USP2: variants seen among roughly 807,000 people sequenced by gnomAD.
USP2 encodes ubiquitin carboxyl-terminal hydrolase 2.
USP2 carries 33 observed loss-of-function variants against 72.0 expected under a neutral mutation model. That is an observed-to-expected ratio of 0.46 (90% CI 0.35 to 0.61). The LOEUF is 0.61. USP2 is among the 20% of genes least tolerant of loss of function. The pLI is 0.01. For missense variants in USP2, 691 were observed against 797.8 expected (o/e 0.87, Z 1.61); for synonymous variants, 296 against 312.5 (o/e 0.95, Z 0.56).
At chr11:119,359,437 G>C in intron 4 of USP2, 95 bp from the exon 5 acceptor site, 1 of 1,589,500 alleles carries the variant, frequency 6.3e-7, no homozygotes, top group Non-Finnish European at 8.6e-7. Context: ...GAGAAAGACA[G>C]ACAGGATAGG....
Position 119,357,528 on chromosome 11 carries a change from G to A in USP2, c.1564C>T (p.Pro522Ser), listed in dbSNP as rs755059569. The part of the protein sequence containing the change: ...TSKLTTFVNF[P>S]LRDLDLREFA... ...TCTCTTAAGTCCAGGTCTCTTAGGGGGAAGTTCACAAATGTTGTGAGCTTG... is the reference window on the plus strand; with the variant it reads ...TCTCTTAAGTCCAGGTCTCTTAGGGAGAAGTTCACAAATGTTGTGAGCTTG... The change falls in exon 11 of 13, where the codon CCC (proline) becomes TCC (serine). Residue 522 changes from proline to serine, a missense_variant. Pro to Ser is a moderately conservative substitution (Grantham distance 74, BLOSUM62 -1). Coordinates refer to ENST00000260187, the MANE Select transcript of USP2 (RefSeq NM_004205.5). 5.6e-6 allele frequency: 9 copies of A among 1,614,040 alleles called. No homozygotes were observed. Among genetic ancestry groups the A allele is most frequent in the Non-Finnish European group, 6.8e-6 (8 of 1,180,034 alleles).
intron 2 of USP2, among the ~76,000 whole-genome samples, chr11:119,365,364 C>T (rs1379230752): frequency 1.3e-5 from 2 of 152,008 alleles, no homozygotes; most frequent in African/African-American, 4.8e-5. Context: ...GGGACAGTTG[C>T]CCCCTCCCCT....
At chr11:119,360,102 C>T in intron 3 of USP2, 82 bp downstream of exon 3, 1 of 1,541,826 alleles carries the variant, frequency 6.5e-7, no homozygotes, top group African/African-American at 1.4e-5. Flanking sequence ...CAGCCACAAC[C>T]AGAAGGGGAC....
At chr11:119,370,361 A>T (rs1950910895) in intron 2 of USP2, among the ~76,000 whole-genome samples, 1 of 152,186 alleles carries the variant, frequency 6.6e-6, no homozygotes, top group Non-Finnish European at 1.5e-5. Context: ...TTCCTCAAGT[A>T]ATCTGTGAAG....
chr11:119,363,808 C>T, intron 2 of USP2: 1 of 1,373,474 alleles, frequency 7.3e-7, no homozygotes, highest in Non-Finnish European at 9.4e-7. Flanking sequence ...GGCGGGACCC[C>T]AGGCCCTCGG....
intron 2 of USP2, among the ~76,000 whole-genome samples, chr11:119,364,694 C>T (rs2195525): frequency 0.53 from 80,664 of 152,018 alleles, 22,007 homozygotes; most frequent in East Asian, 0.81. Context: ...AAGACCCAAA[C>T]TCATGCAGTC....
chr11:119,372,271 A>C (rs1401777335), intron 2 of USP2, among the ~76,000 whole-genome samples: 4 of 152,184 alleles, frequency 2.6e-5, no homozygotes. Context: ...GGGGCTAGGG[A>C]ATAAAGCCTG....
At chr11:119,374,106 G>A (rs1247489139) in intron 1 of USP2, among the ~76,000 whole-genome samples, 2 of 152,172 alleles carry the variant, frequency 1.3e-5, no homozygotes, top group African/African-American at 4.8e-5. Flanking sequence ...AGGGGAGGCC[G>A]TGAGTGAGCA....
At chr11:119,357,049 T>A in intron 12 of USP2, 127 bp from the exon 13 acceptor site, 17 of 1,203,668 alleles carry the variant, frequency 1.4e-5, no homozygotes, top group Non-Finnish European at 1.7e-5. Context: ...AGCGGCTTCG[T>A]GGCCTTAAAC....
Position 119,356,736 on chromosome 11 carries a change from A to T in USP2, c.*99T>A, listed in dbSNP as rs1197677015. ...GCTTCAGGTTTGTTTTTCTCTTGTC[A>T]GGTTTGTGTGTTGTTGTTGTTGTTT... On this transcript the variant is annotated 3_prime_UTR_variant, in exon 13 of 13. Coordinates refer to ENST00000260187, the MANE Select transcript of USP2 (RefSeq NM_004205.5). 1 of 1,236,098 alleles carries T rather than the reference A, an allele frequency of 8.1e-7. No homozygotes were observed. Among genetic ancestry groups the T allele is most frequent in the Non-Finnish European group, 1.1e-6 (1 of 898,048 alleles). 76.6% of individuals were successfully genotyped at this position (1,236,098 alleles called of 1,614,324 possible).
intron 2 of USP2, among the ~76,000 whole-genome samples, chr11:119,363,397 C>G (rs1950794761): frequency 6.6e-6 from 1 of 152,218 alleles, no homozygotes; most frequent in African/African-American, 2.4e-5. Context: ...GTCACCAACC[C>G]TTGGGAAAGA....
At chr11:119,358,706 T>C in intron 7 of USP2, 67 bp downstream of exon 7, 1 of 1,574,178 alleles carries the variant, frequency 6.4e-7, no homozygotes, top group Non-Finnish European at 8.7e-7. Context: ...TCTTAGGGCT[T>C]TTCATGCTCC....
chr11:119,380,090 T>A (rs1951044080), intron 1 of USP2, among the ~76,000 whole-genome samples: 2 of 151,908 alleles, frequency 1.3e-5, no homozygotes, highest in Admixed American at 1.3e-4. Flanking sequence ...AATTTTTTTG[T>A]AATTTTAGTA....
At chr11:119,367,314 A>G (rs1950867921) in intron 2 of USP2, among the ~76,000 whole-genome samples, 1 of 152,126 alleles carries the variant, frequency 6.6e-6, no homozygotes, top group Non-Finnish European at 1.5e-5. Flanking sequence ...CTGGCATGAG[A>G]TGGAGTGATA....
At chr11:119,357,350 C>G in intron 11 of USP2, 43 bp from the exon 12 acceptor site, 1 of 1,611,364 alleles carries the variant, frequency 6.2e-7, no homozygotes. Flanking sequence ...CCCCCCTGCC[C>G]CGACTTCCCC....
At chr11:119,364,110 G>T (rs1339481723) in intron 2 of USP2, 2 of 1,226,192 alleles carry the variant, frequency 1.6e-6, no homozygotes, top group African/African-American at 3.1e-5. Context: ...ACCGCTACAG[G>T]ACAGCGTCCG....
At chr11:119,360,377 T>A in intron 2 of USP2, 143 bp from the exon 3 acceptor site, 1 of 843,966 alleles carries the variant, frequency 1.2e-6, no homozygotes, top group Non-Finnish European at 2.0e-6. Flanking sequence ...CCCATCTATG[T>A]ACTTTGTAGG....
At chr11:119,364,667 G>C (rs1393659030) in intron 2 of USP2, among the ~76,000 whole-genome samples, 4 of 152,196 alleles carry the variant, frequency 2.6e-5, no homozygotes, top group Non-Finnish European at 5.9e-5. Context: ...AGTTCCGGGG[G>C]TACTCAGGCC....
intron 1 of USP2, chr11:119,376,452 G>C: frequency 3.1e-6 from 3 of 962,490 alleles, no homozygotes; most frequent in Non-Finnish European, 3.7e-6. Flanking sequence ...AGTGCGGGGG[G>C]CCCCTGCTGC....
Sources: allele counts gnomAD v4.1 joint callset (sites outside exome capture counted in the v4.1 genomes callset), GRCh38; gene constraint gnomAD v4.1.1; transcripts MANE v1.5; gene names NCBI Gene and HGNC (gene_info 2026-07-23, HGNC 2026-07-21).